CHRM3: variants seen among roughly 807,000 people sequenced by gnomAD.
The protein encoded by CHRM3 is cholinergic receptor muscarinic 3.
A neutral mutation model predicts 41.8 loss-of-function variants in CHRM3; 11 were observed. The observed-to-expected ratio is 0.26, with a 90% CI of 0.17 to 0.44. CHRM3 has a LOEUF of 0.44. Ranked by LOEUF, CHRM3 falls within the 20% of genes least tolerant of loss-of-function variation. The probability of loss-of-function intolerance (pLI) is 1.00; values close to 1 mark genes in which losing one functional copy is unlikely to be tolerated. For missense variants in CHRM3, 571 were observed against 745.4 expected (o/e 0.77, Z 2.72); for synonymous variants, 297 against 301.4 (o/e 0.99, Z 0.15).
chr1:239,707,008 GGTA>G (rs1661254912), intron 5 of CHRM3: 2 of 152,198 alleles, frequency 1.3e-5, no homozygotes, highest in Admixed American at 1.3e-4. Context: ...GGCAATGTAT[GGTA>G]GTAGAAGGAA....
intron 1 of CHRM3, among the ~76,000 whole-genome samples, chr1:239,446,877 T>C (rs757690713): frequency 5.3e-5 from 8 of 152,196 alleles, no homozygotes; most frequent in Non-Finnish European, 1.2e-4. Context: ...ATGTTAGTAA[T>C]GTTTGTTTAG....
chr1:239,452,144 G>A (rs1271465878), intron 1 of CHRM3, among the ~76,000 whole-genome samples: 1 of 151,922 alleles, frequency 6.6e-6, no homozygotes, highest in East Asian at 1.9e-4. Context: ...GCCACATGAC[G>A]GAAAAAGCTA....
At chr1:239,798,790 G>T (rs984345366) in intron 5 of CHRM3, among the ~76,000 whole-genome samples, 1 of 152,180 alleles carries the variant, frequency 6.6e-6, no homozygotes, top group African/African-American at 2.4e-5. Flanking sequence ...CTCAGCTTGG[G>T]AGATGGCTAA....
intron 6 of CHRM3, among the ~76,000 whole-genome samples, chr1:239,839,803 G>T (rs78190756): frequency 0.017 from 2,592 of 151,512 alleles, 81 homozygotes; most frequent in African/African-American, 0.059. Context: ...GGCGGGGCGG[G>T]GGGGGAGCGG....
intron 5 of CHRM3, among the ~76,000 whole-genome samples, chr1:239,725,911 TATAAA>T (rs1360473652): frequency 6.6e-6 from 1 of 151,952 alleles, no homozygotes; most frequent in Non-Finnish European, 1.5e-5. Flanking sequence ...TAAGCAGTAT[TATAAA>T]ATATTACAAA....
rs975034368 is a variant in CHRM3, at chr1:239,399,220, G to A, written c.-521+11993G>A. On this transcript the variant is annotated intron_variant, in intron 1 of 6. Coordinates refer to ENST00000676153, the MANE Select transcript of CHRM3 (RefSeq NM_001375978.1). ...TGAATCAACAGCCCTCTTTTTTCAT[G>A]TATAGTTGACAATTAAACATTATAT... Among the ~76,000 whole-genome samples the A allele has an allele frequency of 4.6e-5, 7 of 152,008 alleles. No homozygotes were observed. In the South Asian group the frequency reaches 1.5e-3, roughly 32 times the overall value.
At chr1:239,846,421 A>G (rs1674267902) in intron 6 of CHRM3, among the ~76,000 whole-genome samples, 1 of 152,214 alleles carries the variant, frequency 6.6e-6, no homozygotes, top group Non-Finnish European at 1.5e-5. Flanking sequence ...AAATTCAATC[A>G]AACTAATTGC....
chr1:239,616,014 A>C (rs1667590001), intron 3 of CHRM3, among the ~76,000 whole-genome samples: 1 of 152,238 alleles, frequency 6.6e-6, no homozygotes, highest in Non-Finnish European at 1.5e-5. Flanking sequence ...TTGTTTAAAA[A>C]ATAGTGTTAT....
At chr1:239,504,173 A>G (rs1207732764) in intron 2 of CHRM3, among the ~76,000 whole-genome samples, 1 of 152,170 alleles carries the variant, frequency 6.6e-6, no homozygotes, top group African/African-American at 2.4e-5. Flanking sequence ...ACAAAGGACT[A>G]ATATCCAGAA....
In CHRM3 at chr1:239,733,894, G is replaced by A. The variant is rs1481587524; in HGVS notation, c.-147+55606G>A. ...TAATATAAAATATATCATCTTTTAT[G>A]CTTCTTAATGTAACATATTAAACTT... On this transcript the variant is annotated intron_variant, in intron 5 of 6. Transcript: ENST00000676153. Among the ~76,000 whole-genome samples the A allele has an allele frequency of 2.0e-5, 3 of 152,082 alleles. No homozygotes were observed. In the East Asian group the frequency reaches 5.8e-4, roughly 30 times the overall value.
chr1:239,792,038 C>A (rs1222600192), intron 5 of CHRM3, among the ~76,000 whole-genome samples: 1 of 152,182 alleles, frequency 6.6e-6, no homozygotes, highest in Non-Finnish European at 1.5e-5. Flanking sequence ...GGTCAAGCTG[C>A]GGAATTGGTT....
chr1:239,454,180 T>C (rs1205654077), intron 1 of CHRM3, among the ~76,000 whole-genome samples: 6 of 152,054 alleles, frequency 3.9e-5, no homozygotes, highest in African/African-American at 1.4e-4. Flanking sequence ...CACAAGACTC[T>C]CCCCCACTTC....
chr1:239,881,238 C>G (rs10926000), intron 6 of CHRM3, among the ~76,000 whole-genome samples: 124,166 of 140,024 alleles, frequency 0.89, 57,225 homozygotes, highest in South Asian at 1. Context: ...AGCCGAGATC[C>G]CGCCCCTGCA....
intron 1 of CHRM3, among the ~76,000 whole-genome samples, chr1:239,480,943 G>A (rs946881730): frequency 2.0e-5 from 3 of 152,132 alleles, no homozygotes; most frequent in African/African-American, 4.8e-5. Context: ...GCAGAGTGAG[G>A]ATTTTAGCTC....
At chr1:239,813,492 A>G (rs1459122453) in intron 5 of CHRM3, among the ~76,000 whole-genome samples, 1 of 152,120 alleles carries the variant, frequency 6.6e-6, no homozygotes, top group African/African-American at 2.4e-5. Flanking sequence ...GTTTCTTTAT[A>G]CTATTAATTT....
chr1:239,496,172 G>T (rs1667867702), intron 2 of CHRM3, among the ~76,000 whole-genome samples: 1 of 151,962 alleles, frequency 6.6e-6, no homozygotes, highest in Admixed American at 6.6e-5. Flanking sequence ...AAATGATTGA[G>T]GGGGCAAACC....
intron 1 of CHRM3, among the ~76,000 whole-genome samples, chr1:239,418,824 G>A (rs1451858678): frequency 6.6e-6 from 1 of 152,148 alleles, no homozygotes; most frequent in Admixed American, 6.5e-5. Flanking sequence ...TCATTTGAAT[G>A]GTTGGTTCCC....
intron 6 of CHRM3, among the ~76,000 whole-genome samples, chr1:239,865,694 A>G (rs1326026784): frequency 1.3e-5 from 2 of 152,228 alleles, no homozygotes; most frequent in South Asian, 4.1e-4. Flanking sequence ...CAAGGGTAGC[A>G]ATATTGGGAC....
intron 1 of CHRM3, among the ~76,000 whole-genome samples, chr1:239,471,817 T>G (rs10157644): frequency 0.54 from 82,297 of 151,894 alleles, 22,615 homozygotes; most frequent in Middle Eastern, 0.63. Context: ...AGACAGTGTG[T>G]CATGGGCTGT....
Sources: gnomAD v4.1 joint callset for allele counts (sites outside exome capture counted in the v4.1 genomes callset) on GRCh38, gnomAD v4.1.1 for gene constraint, MANE v1.5 for transcripts, NCBI Gene and HGNC (gene_info 2026-07-23, HGNC 2026-07-21) for gene names.